Variants in STOX1 observed in about 807,000 individuals in gnomAD.
STOX1 encodes the protein storkhead box 1, also known as storkhead-box protein 1.
Under a neutral mutation model 74.8 loss-of-function variants are expected in STOX1, and 57 were observed. That is an observed-to-expected ratio of 0.76 (90% CI 0.62 to 0.95). STOX1 has a LOEUF of 0.95. STOX1 is among the 40% of genes least tolerant of loss of function. The pLI is 0.00. For synonymous variants in STOX1, 375 were observed against 401.3 expected (o/e 0.93, Z 0.78); for missense variants, 1,010 against 1,117.0 (o/e 0.90, Z 1.37).
At chr10:68,857,576 C>T (rs1840158061) in intron 1 of STOX1, among the ~76,000 whole-genome samples, 1 of 152,182 alleles carries the variant, frequency 6.6e-6, no homozygotes, top group South Asian at 2.1e-4. Flanking sequence ...TGTAAAATAA[C>T]TTAGCTAAGG....
chr10:68,827,595 G>C lies in STOX1; in HGVS notation c.-29G>C. 8.8e-7 allele frequency: 1 copy of C among 1,133,194 alleles called. No homozygotes were observed. The highest frequency in any genetic ancestry group is 1.1e-6 in the Non-Finnish European group (1 of 924,860). 70.2% of individuals were successfully genotyped at this position (1,133,194 alleles called of 1,614,324 possible). Reference sequence around the variant, plus strand: ...GCCGCCGCGCTCGCCGAGGCCCTGCGTTGCGGGCTCCCGGCCGCCGGCGAA... The same window carrying C: ...GCCGCCGCGCTCGCCGAGGCCCTGCCTTGCGGGCTCCCGGCCGCCGGCGAA... On this transcript the variant is annotated 5_prime_UTR_variant, in exon 1 of 4. Transcript: ENST00000298596.
chr10:68,881,454 G>A (rs772487047), intron 1 of STOX1, among the ~76,000 whole-genome samples: 1 of 152,146 alleles, frequency 6.6e-6, no homozygotes, highest in Admixed American at 6.6e-5. Context: ...AATGTGGAAT[G>A]GTGAAAATAC....
chr10:68,848,832 T>C (rs1014122056), intron 1 of STOX1, among the ~76,000 whole-genome samples: 1 of 152,144 alleles, frequency 6.6e-6, no homozygotes, highest in Non-Finnish European at 1.5e-5. Context: ...GCCTGGCTAA[T>C]TTTTTAAAAA....
Position 68,846,116 on chromosome 10 carries a change from GTTTTTATTATTA to G in STOX1, c.310+18186_310+18197del, listed in dbSNP as rs1196443715. On this transcript the variant is annotated intron_variant, in intron 1 of 3. Transcript: ENST00000298596. Reference sequence around the variant, plus strand: ...TATGTGGTACAAGTTATGGCTTGAGGTTTTTATTATTATTATTATTATTATTATTATTATTAT... The same window carrying G: ...TATGTGGTACAAGTTATGGCTTGAGGTTATTATTATTATTATTATTATTAT... Among the ~76,000 whole-genome samples, 257 of 93,834 alleles carry G rather than the reference GTTTTTATTATTA, an allele frequency of 2.7e-3. 1 individual carries two copies. The highest frequency in any genetic ancestry group is 8.1e-3 in the African/African-American group (234 of 28,760). The allele number at this position is 93,834 out of a possible 152,430, so 61.6% of individuals were successfully genotyped here. A position where few individuals can be genotyped will look rare whatever the true frequency, so the allele number is the denominator to read the frequency against.
chr10:68,861,757 G>C (rs1840273750), intron 1 of STOX1, among the ~76,000 whole-genome samples: 1 of 152,114 alleles, frequency 6.6e-6, no homozygotes, highest in African/African-American at 2.4e-5. Flanking sequence ...TCTTTCTGCA[G>C]CTCCTTTAAG....
intron 1 of STOX1, among the ~76,000 whole-genome samples, chr10:68,854,115 C>A (rs1329548513): frequency 3.3e-5 from 5 of 152,014 alleles, no homozygotes; most frequent in Non-Finnish European, 5.9e-5. Flanking sequence ...CCTGTCTCAT[C>A]CTCCCAAGTA....
At chr10:68,876,220 C>T (rs908111290) in intron 1 of STOX1, among the ~76,000 whole-genome samples, 3 of 151,428 alleles carry the variant, frequency 2.0e-5, no homozygotes, top group African/African-American at 7.3e-5. Context: ...TGCAATGGCG[C>T]GATCTCGGCT....
intron 1 of STOX1, among the ~76,000 whole-genome samples, chr10:68,849,955 G>A (rs1839942681): frequency 6.6e-6 from 1 of 152,148 alleles, no homozygotes; most frequent in Admixed American, 6.6e-5. Flanking sequence ...AAAATGGCCA[G>A]TACCTGGAAA....
chr10:68,885,311 C>T lies in STOX1; in HGVS notation c.1515C>T (p.Ser505=). 1 of 1,614,184 alleles carries T rather than the reference C, an allele frequency of 6.2e-7. No individual in the cohort carries two copies. Among genetic ancestry groups the T allele is most frequent in the Non-Finnish European group, 8.5e-7 (1 of 1,180,038 alleles). ...NPFQGLSHRG[S]TISKGHKIQK... ...TCCAGGGTTTGTCTCACCGAGGAAG[C>T]ACAATATCCAAAGGGCACAAAATTC... Residue 505 remains serine (S), a synonymous_variant, in exon 3 of 4, where the codon AGC becomes AGT. Coordinates refer to ENST00000298596, the MANE Select transcript of STOX1 (RefSeq NM_152709.5).
intron 1 of STOX1, among the ~76,000 whole-genome samples, chr10:68,847,766 G>T (rs1450943693): frequency 6.6e-6 from 1 of 151,530 alleles, no homozygotes; most frequent in African/African-American, 2.4e-5. Context: ...TTTCGCTCTT[G>T]TTGCCCAGGC....
At chr10:68,835,694 A>G (rs1200148109) in intron 1 of STOX1, among the ~76,000 whole-genome samples, 1 of 152,156 alleles carries the variant, frequency 6.6e-6, no homozygotes, top group Non-Finnish European at 1.5e-5. Context: ...TTCTCATCGT[A>G]TTATGCATTG....
intron 1 of STOX1, among the ~76,000 whole-genome samples, chr10:68,856,914 A>G (rs1840139130): frequency 6.6e-6 from 1 of 151,876 alleles, no homozygotes; most frequent in South Asian, 2.1e-4. Flanking sequence ...TGGCTAACAC[A>G]TTTTCCAGTC....
chr10:68,885,951 G>A lies in STOX1; in HGVS notation c.2155G>A (p.Ala719Thr). ...TGAACAGCTTTCTAACGATGACCAG[G>A]CCTTGTATCAGAATGAAGTGGAAGA... ...ENEQLSNDDQ[A>T]LYQNEVEDDD... Residue 719 changes from alanine to threonine, a missense_variant, in exon 3 of 4, where the codon GCC (alanine) becomes ACC (threonine). Ala to Thr is a moderately conservative substitution (Grantham distance 58). Transcript: ENST00000298596. 1 of 1,614,130 alleles carries A rather than the reference G, an allele frequency of 6.2e-7. No homozygotes were observed. Among genetic ancestry groups the A allele is most frequent in the Middle Eastern group, 1.6e-4 (1 of 6,062 alleles).
At chr10:68,843,180 A>T (rs1231035838) in intron 1 of STOX1, among the ~76,000 whole-genome samples, 3 of 152,114 alleles carry the variant, frequency 2.0e-5, no homozygotes, top group African/African-American at 4.8e-5. Flanking sequence ...CTGGGACTGT[A>T]GGCGTGGGCC....
chr10:68,884,370 T>C lies in STOX1; in HGVS notation c.574T>C (p.Tyr192His), dbSNP rs2131995212. The part of the protein sequence containing the change: ...EGYFIVTPQT[Y>H]FITNTTTQEN... ...ATACTTCATAGTTACTCCTCAGACT[T>C]ACTTCATTACAAATACAACCACCCA... Residue 192 changes from tyrosine (Y) to histidine (H), a missense_variant, in exon 3 of 4, where the codon TAC becomes CAC. Tyr to His is a moderately conservative substitution (Grantham distance 83, BLOSUM62 2). Coordinates refer to ENST00000298596, the MANE Select transcript of STOX1 (RefSeq NM_152709.5). 6.2e-7 allele frequency: 1 copy of C among 1,614,162 alleles called. No individual in the cohort carries two copies. The highest frequency in any genetic ancestry group is 8.5e-7 in the Non-Finnish European group (1 of 1,180,024).
At chr10:68,875,578 G>C in intron 1 of STOX1, among the ~76,000 whole-genome samples, 1 of 152,210 alleles carries the variant, frequency 6.6e-6, no homozygotes, top group Middle Eastern at 3.2e-3. Flanking sequence ...AAACAGCCAG[G>C]ATAGGATATT....
In STOX1 at chr10:68,834,101, T is replaced by C. The variant is rs79257608; in HGVS notation, c.310+6168T>C. Among the ~76,000 whole-genome samples, 659 of 152,274 alleles carry C rather than the reference T, an allele frequency of 4.3e-3. 4 individuals are homozygous for C. Among genetic ancestry groups the C allele is most frequent in the African/African-American group, 0.015 (614 of 41,564 alleles). On this transcript the variant is annotated intron_variant, in intron 1 of 3. Transcript: ENST00000298596. ...GGTACTGAAGATCAGGCACATCAGG[T>C]TGGCGAAAGGGAAGTGATGGGAGGA...
chr10:68,865,091 G>A (rs946547762), intron 1 of STOX1, among the ~76,000 whole-genome samples: 10 of 147,342 alleles, frequency 6.8e-5, no homozygotes, highest in African/African-American at 1.2e-4. Flanking sequence ...AATATTTCCC[G>A]AGTGGGGGCA....
intron 1 of STOX1, among the ~76,000 whole-genome samples, chr10:68,853,605 G>C (rs1299706602): frequency 6.6e-6 from 1 of 152,126 alleles, no homozygotes; most frequent in Non-Finnish European, 1.5e-5. Flanking sequence ...TTTTCAGGCT[G>C]AGTCAGGGTC....
Sources: gnomAD v4.1 joint callset for allele counts (sites outside exome capture counted in the v4.1 genomes callset) on GRCh38, gnomAD v4.1.1 for gene constraint, MANE v1.5 for transcripts, NCBI Gene and HGNC (gene_info 2026-07-23, HGNC 2026-07-21) for gene names.